BTG2: variants seen among roughly 807,000 people sequenced by gnomAD.
BTG2 encodes protein BTG2.
Under a neutral mutation model 13.1 loss-of-function variants are expected in BTG2, and 9 were observed. That is an observed-to-expected ratio of 0.69 (90% CI 0.41 to 1.20). BTG2 has a LOEUF of 1.20. Ranked by LOEUF, BTG2 falls within the 50% of genes most tolerant of loss-of-function variation. The pLI is 0.00. For missense variants in BTG2, 200 were observed against 209.5 expected (o/e 0.95, Z 0.28); for synonymous variants, 92 against 88.6 (o/e 1.04, Z -0.21).
intron 1 of BTG2, among the ~76,000 whole-genome samples, chr1:203,306,094 G>A (rs546904380): frequency 6.6e-6 from 1 of 152,270 alleles, no homozygotes; most frequent in African/African-American, 2.4e-5. Flanking sequence ...GACCCTCGAT[G>A]GATGTTGTTG....
In BTG2 at chr1:203,307,324, C is replaced by T. The variant is rs553836298; in HGVS notation, c.363C>T (p.Val121=). The T allele has an allele frequency of 6.2e-7, 1 of 1,614,112 alleles. No homozygotes were observed. Among genetic ancestry groups the T allele is most frequent in the African/African-American group, 1.3e-5 (1 of 75,066 alleles). The change falls in exon 2 of 2, where the codon GTC becomes GTT. Residue 121 remains valine (V), a synonymous_variant. Transcript: ENST00000290551. ...TTGGGGAGGACGGCTCCATCTGCGT[C>T]TTGTACGAGGAGGCCCCACTGGCCG... is the stretch of plus-strand genomic sequence containing the variant. ...YRIGEDGSIC[V]LYEEAPLAAS...
At chr1:203,306,252 T>C (rs1411102912) in intron 1 of BTG2, among the ~76,000 whole-genome samples, 2 of 152,108 alleles carry the variant, frequency 1.3e-5, no homozygotes, top group Non-Finnish European at 1.5e-5. Flanking sequence ...TGGCTTCAAG[T>C]TGGAATTTGG....
chr1:203,305,735 G>A lies in BTG2; in HGVS notation c.129G>A (p.Gln43=), dbSNP rs1218392704. 6.5e-7 allele frequency: 1 copy of A among 1,549,126 alleles called. No individual in the cohort carries two copies. The highest frequency in any genetic ancestry group is 8.7e-7 in the Non-Finnish European group (1 of 1,146,244). Residue 43 remains glutamine (Q), a synonymous_variant, in exon 1 of 2, where the codon CAG becomes CAA. Transcript: ENST00000290551. ...QRLKVFSGAL[Q]EALTEHYKHH... is the part of the protein sequence containing the mutation. ...TTAAGGTCTTCAGCGGGGCGCTCCA[G>A]GAGGCACTCACAGGTGAGCGCATGC...
chr1:203,307,182 T>A lies in BTG2; in HGVS notation c.221T>A (p.Met74Lys). 6.2e-7 allele frequency: 1 copy of A among 1,614,220 alleles called. No individual in the cohort carries two copies. Among genetic ancestry groups the A allele is most frequent in the Non-Finnish European group, 8.5e-7 (1 of 1,180,032 alleles). ...CGCTGCATTCGCATCAACCACAAGA[T>A]GGACCCCATCATCAGCAGGGTGGCC... The part of the protein sequence containing the change: ...GYRCIRINHK[M>K]DPIISRVASQ... The change falls in exon 2 of 2, where the codon ATG becomes AAG. Residue 74 changes from methionine (M) to lysine (K), a missense_variant. By Grantham distance (95) the Met-to-Lys change is moderately conservative. Transcript: ENST00000290551.
intron 1 of BTG2, 27 bp downstream of exon 1, chr1:203,305,775 C>T: frequency 1.3e-6 from 2 of 1,535,432 alleles, no homozygotes; most frequent in Non-Finnish European, 1.8e-6. Context: ...GGGCCTGGCG[C>T]CACCGGGGGT....
intron 1 of BTG2, among the ~76,000 whole-genome samples, chr1:203,306,830 TCACACACACACACTCAGTCACACA>T (rs1658287515): frequency 1.5e-5 from 2 of 136,516 alleles, no homozygotes; most frequent in African/African-American, 2.6e-5. Flanking sequence ...ACTCTCTCTC[TCACACACACACACTCAGTCACACA>T]CACACACACA....
In BTG2 at chr1:203,305,673, C is replaced by T. The variant is rs775502657; in HGVS notation, c.67C>T (p.Leu23Phe). ...IAAAVGFLSS[L>F]LRTRGCVSEQ... ...CGCCGCCGTGGGCTTCCTCTCCAGC[C>T]TCCTGAGGACCCGGGGCTGCGTGAG... The change falls in exon 1 of 2, where the codon CTC becomes TTC. Residue 23 changes from leucine (L) to phenylalanine (F), a missense_variant. Coordinates refer to ENST00000290551, the MANE Select transcript of BTG2 (RefSeq NM_006763.3). The T allele has an allele frequency of 7.0e-6, 11 of 1,570,706 alleles. No individual in the cohort carries two copies. The highest frequency in any genetic ancestry group is 2.4e-5 in the East Asian group (1 of 41,990).
rs56359652 is a variant in BTG2, at chr1:203,306,820, ACT to A, written c.143-274_143-273del. ...AACACGCACACACACACACACACAC[ACT>A]CTCTCTCTCACACACACACACTCAG... is the stretch of plus-strand genomic sequence containing the variant. On this transcript the variant is annotated intron_variant, in intron 1 of 1. Transcript: ENST00000290551. Among the ~76,000 whole-genome samples the A allele has an allele frequency of 2.2e-4, 24 of 108,752 alleles. 1 individual carries two copies. Among genetic ancestry groups the A allele is most frequent in the African/African-American group, 6.1e-4 (19 of 31,056 alleles). 71.3% of individuals were successfully genotyped at this position (108,752 alleles called of 152,430 possible).
At chr1:203,306,434 G>A (rs1034768634) in intron 1 of BTG2, among the ~76,000 whole-genome samples, 1 of 152,122 alleles carries the variant, frequency 6.6e-6, no homozygotes, top group African/African-American at 2.4e-5. Context: ...GTTTCTAGCT[G>A]GTTACTGTCA....
In BTG2 at chr1:203,305,634, C is replaced by G. The variant is rs1658239039; in HGVS notation, c.28C>G (p.Leu10Val). The G allele has an allele frequency of 6.3e-7, 1 of 1,596,496 alleles. No homozygotes were observed. Residue 10 changes from leucine to valine, a missense_variant, in exon 1 of 2, where the codon CTC becomes GTC. Coordinates refer to ENST00000290551, the MANE Select transcript of BTG2 (RefSeq NM_006763.3). MSHGKGTDMLPEIAAAVGFL... is the reference protein window; with the variant it reads MSHGKGTDMVPEIAAAVGFL... Reference sequence around the variant, plus strand: ...GAGCCACGGGAAGGGAACCGACATGCTCCCGGAGATCGCCGCCGCCGTGGG... The same window carrying G: ...GAGCCACGGGAAGGGAACCGACATGGTCCCGGAGATCGCCGCCGCCGTGGG...
At chr1:203,306,800 G>GCACA (rs34485564) in intron 1 of BTG2, among the ~76,000 whole-genome samples, 24,277 of 142,658 alleles carry the variant, frequency 0.17, 2,647 homozygotes, top group East Asian at 0.41. Flanking sequence ...CTCCCAACAC[G>GCACA]CACACACACA....
Position 203,305,630 on chromosome 1 carries a change from C to T in BTG2, c.24C>T (p.Asp8=). 1 of 1,598,166 alleles carries T rather than the reference C, an allele frequency of 6.3e-7. No homozygotes were observed. The highest frequency in any genetic ancestry group is 8.5e-7 in the Non-Finnish European group (1 of 1,172,728). Residue 8 remains aspartate (D), a synonymous_variant, in exon 1 of 2, where the codon GAC becomes GAT. Transcript: ENST00000290551. MSHGKGT[D]MLPEIAAAVG... Reference sequence around the variant, plus strand: ...ACATGAGCCACGGGAAGGGAACCGACATGCTCCCGGAGATCGCCGCCGCCG... The same window carrying T: ...ACATGAGCCACGGGAAGGGAACCGATATGCTCCCGGAGATCGCCGCCGCCG...
intron 1 of BTG2, among the ~76,000 whole-genome samples, chr1:203,306,045 T>G (rs1658254794): frequency 6.6e-6 from 1 of 152,222 alleles, no homozygotes; most frequent in Admixed American, 6.5e-5. Flanking sequence ...CCTGTCTCAT[T>G]ACGGGCTCGT....
intron 1 of BTG2, among the ~76,000 whole-genome samples, chr1:203,306,842 ACT>A (rs1482330537): frequency 5.4e-4 from 30 of 55,336 alleles, no homozygotes; most frequent in African/African-American, 2.8e-3. Context: ...ACACACACAC[ACT>A]CAGTCACACA....
Position 203,307,676 on chromosome 1 carries a change from T to A in BTG2, c.*238T>A. 3.1e-6 allele frequency: 1 copy of A among 324,596 alleles called. No individual in the cohort carries two copies. The highest frequency in any genetic ancestry group is 5.5e-6 in the Non-Finnish European group (1 of 181,796). The allele number at this position is 324,596 out of a possible 1,614,324, so 20.1% of individuals were successfully genotyped here. On this transcript the variant is annotated 3_prime_UTR_variant, in exon 2 of 2. Transcript: ENST00000290551. The stretch of plus-strand genomic sequence containing the variant: ...TGGAGAGAACTGTTGCGTGCTTGAG[T>A]CTGTGAGCCAGTGTCTGCCTATAGG...
chr1:203,306,838 A>T (rs1289361077), intron 1 of BTG2, among the ~76,000 whole-genome samples: 1 of 69,670 alleles, frequency 1.4e-5, no homozygotes, highest in Non-Finnish European at 2.8e-5. Context: ...TCTCACACAC[A>T]CACACTCAGT....
At position 203,308,974 on chromosome 1, in the gene BTG2, G is replaced by A. The variant is rs1658333595; in HGVS notation, c.*1536G>A. On this transcript the variant is annotated 3_prime_UTR_variant, in exon 2 of 2. Transcript: ENST00000290551. ...CAGGGCTAGGGCATTTGGCCAGGAT[G>A]GCCACCCTCCTGCTGTTGCCCCTTA... 1.3e-5 allele frequency: 2 copies of A among 152,600 alleles called. No homozygotes were observed. The highest frequency in any genetic ancestry group is 1.3e-4 in the Admixed American group (2 of 15,278). 9.5% of individuals were successfully genotyped at this position (152,600 alleles called of 1,614,324 possible).
rs1571501530 is a variant in BTG2, at chr1:203,307,200, G to A, written c.239G>A (p.Arg80Lys). 1 of 1,614,260 alleles carries A rather than the reference G, an allele frequency of 6.2e-7. No individual in the cohort carries two copies. The highest frequency in any genetic ancestry group is 8.5e-7 in the Non-Finnish European group (1 of 1,180,046). ...CACAAGATGGACCCCATCATCAGCA[G>A]GGTGGCCAGCCAGATCGGACTCAGC... Reference protein sequence around the residue: ...INHKMDPIISRVASQIGLSQP... With the variant: ...INHKMDPIISKVASQIGLSQP... The change falls in exon 2 of 2, where the codon AGG becomes AAG. Residue 80 changes from arginine to lysine, a missense_variant. By Grantham distance (26) the Arg-to-Lys change is conservative. Coordinates refer to ENST00000290551, the MANE Select transcript of BTG2 (RefSeq NM_006763.3).
intron 1 of BTG2, among the ~76,000 whole-genome samples, chr1:203,306,331 G>C (rs1658272446): frequency 6.6e-6 from 1 of 152,078 alleles, no homozygotes; most frequent in South Asian, 2.1e-4. Flanking sequence ...GGAGAGCCTC[G>C]TAGCTCGTGA....
Sources: gnomAD v4.1 joint callset for allele counts (sites outside exome capture counted in the v4.1 genomes callset) on GRCh38, gnomAD v4.1.1 for gene constraint, MANE v1.5 for transcripts, NCBI Gene and HGNC (gene_info 2026-07-23, HGNC 2026-07-21) for gene names.